The following FARP1 variants were observed in gnomAD, a reference collection of about 807,000 sequenced individuals.
The protein encoded by FARP1 is FERM, ARHGEF and pleckstrin domain-containing protein 1.
A neutral mutation model predicts 128.8 loss-of-function variants in FARP1; 52 were observed. The ratio of observed to expected loss-of-function variants is 0.40; its 90% CI spans 0.32 to 0.51. The LOEUF is 0.51. Ranked by LOEUF, FARP1 falls within the 20% of genes least tolerant of loss-of-function variation. FARP1 has a pLI of 0.45. For synonymous variants in FARP1, 580 were observed against 551.8 expected, an observed-to-expected ratio of 1.05 and a Z score of -0.72; for missense variants, 1,333 against 1,367.9, an observed-to-expected ratio of 0.97 and a Z score of 0.40.
intron 13 of FARP1, chr13:98,402,527 C>T (rs1890818468): frequency 6.6e-6 from 1 of 152,164 alleles, no homozygotes; most frequent in Non-Finnish European, 1.5e-5. Flanking sequence ...TTTTCTGGCT[C>T]TTGAAACCAA....
chr13:98,258,589 C>T (rs139402933), intron 2 of FARP1, among the ~76,000 whole-genome samples: 2 of 152,142 alleles, frequency 1.3e-5, no homozygotes, highest in Non-Finnish European at 2.9e-5. Context: ...TGCTGTCACT[C>T]ATGCTTGTGA....
intron 1 of FARP1, among the ~76,000 whole-genome samples, chr13:98,191,200 C>T (rs1879208176): frequency 1.3e-5 from 2 of 152,192 alleles, no homozygotes; most frequent in Admixed American, 1.3e-4. Flanking sequence ...CCAGGAGCTT[C>T]AACCTGTAGA....
At chr13:98,384,073 A>T (rs891348449) in intron 6 of FARP1, 9 of 152,174 alleles carry the variant, frequency 5.9e-5, no homozygotes, top group Non-Finnish European at 1.3e-4. Flanking sequence ...TTAGGAGGTC[A>T]TACGGTTGTC....
intron 1 of FARP1, among the ~76,000 whole-genome samples, chr13:98,209,192 T>A (rs1317873647): frequency 6.6e-6 from 1 of 152,008 alleles, no homozygotes; most frequent in Admixed American, 6.5e-5. Flanking sequence ...GTATTTTTAG[T>A]AGAGACAGGG....
chr13:98,175,472 G>C (rs1877938246), intron 1 of FARP1, among the ~76,000 whole-genome samples: 1 of 151,314 alleles, frequency 6.6e-6, no homozygotes, highest in African/African-American at 2.4e-5. Context: ...CTCCCTCCCG[G>C]TCTTGGTTCC....
At chr13:98,233,470 T>C (rs1297800810) in intron 2 of FARP1, among the ~76,000 whole-genome samples, 1 of 151,528 alleles carries the variant, frequency 6.6e-6, no homozygotes, top group East Asian at 1.9e-4. Context: ...AGCCAAGGAG[T>C]CCCAGCTCCT....
chr13:98,365,464 T>C, intron 4 of FARP1, 27 bp downstream of exon 4: 1 of 1,528,040 alleles, frequency 6.5e-7, no homozygotes, highest in Non-Finnish European at 9.0e-7. Context: ...TGTTTAATAG[T>C]GATGTGAAAT....
intron 2 of FARP1, among the ~76,000 whole-genome samples, chr13:98,311,827 GTTTTGTTTTTTTTTGTTGTT>G (rs1886471795): frequency 6.8e-6 from 1 of 147,816 alleles, no homozygotes; most frequent in Non-Finnish European, 1.5e-5. Flanking sequence ...CTTTTATTTC[GTTTTGTTTTTTTTTGTTGTT>G]TTTTGTTTTT....
At chr13:98,344,162 G>T (rs766646470) in intron 3 of FARP1, among the ~76,000 whole-genome samples, 20 of 152,292 alleles carry the variant, frequency 1.3e-4, no homozygotes, top group Middle Eastern at 3.4e-3. Context: ...AGTGTGATAT[G>T]ATCTGATTTC....
intron 2 of FARP1, among the ~76,000 whole-genome samples, chr13:98,241,392 C>T (rs567923251): frequency 5.5e-4 from 84 of 152,240 alleles, no homozygotes; most frequent in East Asian, 2.9e-3. Flanking sequence ...ATGTTGCACA[C>T]GATGGGGTGG....
intron 1 of FARP1, chr13:98,177,300 G>T: frequency 7.5e-7 from 1 of 1,340,546 alleles, no homozygotes. Flanking sequence ...TTGCGTCGCT[G>T]CACGTGGGGC....
chr13:98,380,426 A>G (rs1481492703), intron 6 of FARP1, among the ~76,000 whole-genome samples: 1 of 121,156 alleles, frequency 8.3e-6, no homozygotes, highest in African/African-American at 2.6e-5. Flanking sequence ...GACTCTGTCT[A>G]AAAAAAAAAA....
chr13:98,373,533 GACACACACAC>G lies in FARP1; in HGVS notation c.399-4248_399-4239del, dbSNP rs58658962. Among the ~76,000 whole-genome samples the G allele has an allele frequency of 9.6e-3, 1,263 of 131,070 alleles. 17 individuals carry two copies. The highest frequency in any genetic ancestry group is 0.028 in the African/African-American group (957 of 33,926). 86.0% of individuals were successfully genotyped at this position (131,070 alleles called of 152,430 possible). On this transcript the variant is annotated intron_variant, in intron 5 of 26. Coordinates refer to ENST00000319562, the MANE Select transcript of FARP1 (RefSeq NM_005766.4). Reference sequence around the variant, plus strand: ...TTGACTTTCCAGAGACAGACAGACAGACACACACACACACACACACACACACACACACACA... The same window carrying G: ...TTGACTTTCCAGAGACAGACAGACAGACACACACACACACACACACACACA...
chr13:98,277,148 A>ACACACACACACACACACACACACACAC (rs372627844), intron 2 of FARP1, among the ~76,000 whole-genome samples: 1 of 138,580 alleles, frequency 7.2e-6, no homozygotes, highest in East Asian at 2.0e-4. Flanking sequence ...ACACACACAC[A>ACACACACACACACACACACACACACAC]CCCCATATGT....
chr13:98,220,550 A>G (rs1881357144), intron 2 of FARP1, among the ~76,000 whole-genome samples: 1 of 152,136 alleles, frequency 6.6e-6, no homozygotes, highest in African/African-American at 2.4e-5. Context: ...TTTGCTTGGC[A>G]TGGTCATTTC....
Position 98,311,831 on chromosome 13 carries a change from TG to T in FARP1, c.172-31930del, listed in dbSNP as rs1404402674. Among the ~76,000 whole-genome samples the T allele has an allele frequency of 1.5e-4, 21 of 143,308 alleles. No individual in the cohort carries two copies. In the East Asian group the frequency reaches 3.7e-3, roughly 25 times the overall value. The allele number at this position is 143,308 out of a possible 152,430, so 94.0% of individuals were successfully genotyped here. Reference sequence around the variant, plus strand: ...TAACTGCTGTTCTTTTATTTCGTTTTGTTTTTTTTTGTTGTTTTTTGTTTTT... The same window carrying T: ...TAACTGCTGTTCTTTTATTTCGTTTTTTTTTTTTTGTTGTTTTTTGTTTTT... On this transcript the variant is annotated intron_variant, in intron 2 of 26. Transcript: ENST00000319562.
At chr13:98,279,331 T>C (rs1884820865) in intron 2 of FARP1, among the ~76,000 whole-genome samples, 1 of 145,530 alleles carries the variant, frequency 6.9e-6, no homozygotes, top group African/African-American at 2.8e-5. Flanking sequence ...TTCTCTTCAC[T>C]GAGAATGTTG....
At chr13:98,287,354 C>T (rs937039339) in intron 2 of FARP1, among the ~76,000 whole-genome samples, 6 of 151,228 alleles carry the variant, frequency 4.0e-5, no homozygotes, top group Non-Finnish European at 8.8e-5. Flanking sequence ...CTCAGCCTCC[C>T]GAGTAGCTGG....
chr13:98,268,213 T>C (rs1884219205), intron 2 of FARP1, among the ~76,000 whole-genome samples: 1 of 152,182 alleles, frequency 6.6e-6, no homozygotes, highest in Admixed American at 6.5e-5. Context: ...GCCCATTTGT[T>C]TTGGGGTTGC....
Sources: gnomAD v4.1 joint callset for allele counts (sites outside exome capture counted in the v4.1 genomes callset) on GRCh38, gnomAD v4.1.1 for gene constraint, MANE v1.5 for transcripts, NCBI Gene and HGNC (gene_info 2026-07-23, HGNC 2026-07-21) for gene names.